TENT5D: variants seen among roughly 807,000 people sequenced by gnomAD.
TENT5D encodes the protein cancer/testis antigen 112.
For missense variants in TENT5D, 191 were observed against 287.0 expected (o/e 0.67, Z 2.42); for synonymous variants, 103 against 100.6 (o/e 1.02, Z -0.15).
rs775794470 is a variant in TENT5D, at chrX:80,349,186, G to A, written c.-142+6622G>A. 7.1e-5 allele frequency among the ~76,000 whole-genome samples: 8 copies of A among 112,049 alleles called. No individual in the cohort carries two copies. The South Asian group carries it at 1.1e-3, about 16-fold the overall frequency. On this transcript the variant is annotated intron_variant, in intron 3 of 4. Transcript: ENST00000538312. The stretch of plus-strand genomic sequence containing the variant: ...TGCTGGCCTCATAAAATGAGTTAGC[G>A]GGGAGTCCCTCTTTTTCTATTGTTT...
chrX:80,344,003 T>C (rs1026681569), intron 3 of TENT5D, among the ~76,000 whole-genome samples: 1 of 110,660 alleles, frequency 9.0e-6, no homozygotes, highest in African/African-American at 3.3e-5. Flanking sequence ...TCTGAATCAA[T>C]GGGTACTCAA....
intron 3 of TENT5D, among the ~76,000 whole-genome samples, chrX:80,378,718 C>T (rs143816097): frequency 3.7e-4 from 41 of 111,342 alleles, no homozygotes; most frequent in African/African-American, 1.2e-3. Flanking sequence ...AGCGTGATGC[C>T]TCCAGCTTTG....
At chrX:80,434,154 A>AC (rs1219586651) in intron 1 of TENT5D, among the ~76,000 whole-genome samples, 4 of 106,903 alleles carry the variant, frequency 3.7e-5, no homozygotes, top group Admixed American at 1.0e-4. Context: ...ACAAAACAAA[A>AC]AAAAAAGGGA....
At chrX:80,374,606 G>A (rs1433065380) in intron 3 of TENT5D, among the ~76,000 whole-genome samples, 1 of 110,917 alleles carries the variant, frequency 9.0e-6, no homozygotes. Flanking sequence ...TAAAGGTGTT[G>A]ATAGTTTTGC....
At chrX:80,423,809 G>T (rs1602219900) in intron 1 of TENT5D, among the ~76,000 whole-genome samples, 1 of 111,527 alleles carries the variant, frequency 9.0e-6, no homozygotes, top group East Asian at 2.8e-4. Context: ...TTATACAAAG[G>T]ACAAAGACAT....
At chrX:80,413,693 GCCT>G (rs1931717038) in intron 3 of TENT5D, among the ~76,000 whole-genome samples, 1 of 111,683 alleles carries the variant, frequency 9.0e-6, no homozygotes, top group Non-Finnish European at 1.9e-5. Flanking sequence ...TGATTCTGAG[GCCT>G]CCTCAGCCAT....
At chrX:80,423,207 C>A (rs1285668247) in intron 1 of TENT5D, among the ~76,000 whole-genome samples, 1 of 112,004 alleles carries the variant, frequency 8.9e-6, no homozygotes, top group African/African-American at 3.2e-5. Context: ...GCTACAGCCA[C>A]TGGAAGGGGC....
At chrX:80,391,312 G>A (rs911938725) in intron 3 of TENT5D, among the ~76,000 whole-genome samples, 3 of 111,195 alleles carry the variant, frequency 2.7e-5, no homozygotes. Flanking sequence ...GGGAGGTGAG[G>A]TTAATATAAT....
At chrX:80,337,004 G>GT (rs747835175) in intron 2 of TENT5D, among the ~76,000 whole-genome samples, 4 of 111,550 alleles carry the variant, frequency 3.6e-5, no homozygotes, top group African/African-American at 1.3e-4. Context: ...TTTCCCTCTT[G>GT]TTTTTTCTTA....
intron 3 of TENT5D, among the ~76,000 whole-genome samples, chrX:80,349,423 T>C (rs1030023351): frequency 2.7e-5 from 3 of 112,008 alleles, no homozygotes; most frequent in African/African-American, 9.7e-5. Context: ...CCATTGCTTC[T>C]AGATTTTCTA....
intron 1 of TENT5D, among the ~76,000 whole-genome samples, chrX:80,427,282 C>T (rs1006951643): frequency 5.5e-5 from 6 of 109,955 alleles, no homozygotes; most frequent in African/African-American, 2.0e-4. Context: ...TAATTAGAGG[C>T]ATATGGTTAC....
intron 1 of TENT5D, among the ~76,000 whole-genome samples, chrX:80,430,383 G>A (rs996990682): frequency 5.4e-5 from 6 of 111,234 alleles, no homozygotes; most frequent in Non-Finnish European, 1.9e-5. Context: ...ACTGCTGGGA[G>A]CCCTGGATAA....
chrX:80,407,959 G>A (rs1241042233), intron 3 of TENT5D, among the ~76,000 whole-genome samples: 2 of 111,156 alleles, frequency 1.8e-5, no homozygotes, highest in Non-Finnish European at 3.8e-5. Flanking sequence ...ACTCAAAACT[G>A]CTCAACTACA....
intron 2 of TENT5D, among the ~76,000 whole-genome samples, chrX:80,341,575 G>A (rs1387385235): frequency 8.9e-6 from 1 of 111,785 alleles, no homozygotes; most frequent in Non-Finnish European, 1.9e-5. Context: ...AAGCATATCA[G>A]GTTAAATTCC....
chrX:80,406,162 G>C (rs779989652), intron 3 of TENT5D, among the ~76,000 whole-genome samples: 1 of 111,944 alleles, frequency 8.9e-6, no homozygotes, highest in South Asian at 3.7e-4. Flanking sequence ...AAAAAGAACA[G>C]AAAAACTGGA....
chrX:80,384,248 TG>T (rs900698785), intron 3 of TENT5D, among the ~76,000 whole-genome samples: 7 of 99,323 alleles, frequency 7.0e-5, no homozygotes, highest in South Asian at 5.4e-4. Flanking sequence ...GCTTCATCCC[TG>T]GGATGCAAGG....
At chrX:80,413,963 G>A (rs1931721160) in intron 3 of TENT5D, among the ~76,000 whole-genome samples, 1 of 112,366 alleles carries the variant, frequency 8.9e-6, no homozygotes, top group African/African-American at 3.2e-5. Flanking sequence ...GTGGTAAGGA[G>A]AAATGAAGAT....
chrX:80,365,530 A>G (rs1283589647), intron 3 of TENT5D, among the ~76,000 whole-genome samples: 1 of 111,325 alleles, frequency 9.0e-6, no homozygotes, highest in Non-Finnish European at 1.9e-5. Context: ...AGCTCCCAGA[A>G]ATATAGGAGT....
chrX:80,363,105 C>T (rs183218496), intron 3 of TENT5D, among the ~76,000 whole-genome samples: 61 of 111,541 alleles, frequency 5.5e-4, no homozygotes, highest in African/African-American at 1.9e-3. Context: ...TTAAAAAGTA[C>T]TTAAAATGTC....
Sources: gnomAD v4.1 joint callset for allele counts (sites outside exome capture counted in the v4.1 genomes callset) on GRCh38, gnomAD v4.1.1 for gene constraint, MANE v1.5 for transcripts, NCBI Gene and HGNC (gene_info 2026-07-23, HGNC 2026-07-21) for gene names.